DHX15: variants seen among roughly 807,000 people sequenced by gnomAD.
DHX15 encodes ATP-dependent RNA helicase DHX15.
A neutral mutation model predicts 94.4 loss-of-function variants in DHX15; 11 were observed. That is an observed-to-expected ratio of 0.12 (90% CI 0.07 to 0.19). DHX15 has a LOEUF of 0.19. DHX15 is among the 10% of genes least tolerant of loss of function. The probability of loss-of-function intolerance (pLI) is 1.00; values close to 1 mark genes in which losing one functional copy is unlikely to be tolerated. For synonymous variants in DHX15, 338 were observed against 329.9 expected (o/e 1.02, Z -0.27); for missense variants, 304 against 988.5 (o/e 0.31, Z 9.29).
In DHX15 at chr4:24,537,309, G is replaced by A; in HGVS notation, c.1787-136C>T. 8.7e-7 allele frequency: 1 copy of A among 1,144,266 alleles called. No individual in the cohort carries two copies. Among genetic ancestry groups the A allele is most frequent in the Non-Finnish European group, 1.2e-6 (1 of 824,420 alleles). 70.9% of individuals were successfully genotyped at this position (1,144,266 alleles called of 1,614,324 possible). On this transcript the variant is annotated intron_variant, in intron 10 of 13. Coordinates refer to ENST00000336812, the MANE Select transcript of DHX15 (RefSeq NM_001358.3). This position sits in a 1 kb window ranked among gnomAD's most constrained non-coding sequence, Gnocchi z 4.7. ...CAGGATGGCCTCCAACTGCATCTTG[G>A]ATTGTTTACTACCTTGATTTGGTAC...
At chr4:24,573,336 T>C (rs1287895863) in intron 2 of DHX15, among the ~76,000 whole-genome samples, 1 of 152,232 alleles carries the variant, frequency 6.6e-6, no homozygotes, top group Non-Finnish European at 1.5e-5. Flanking sequence ...TGAAGTCTTA[T>C]ATGTTCTAAC....
intron 6 of DHX15, among the ~76,000 whole-genome samples, chr4:24,544,621 C>G (rs1465552187): frequency 1.3e-5 from 2 of 152,158 alleles, no homozygotes; most frequent in Non-Finnish European, 2.9e-5. Flanking sequence ...TCTAGAAAGT[C>G]AGTTTCTTGT....
intron 3 of DHX15, among the ~76,000 whole-genome samples, chr4:24,560,594 T>C (rs1030672315): frequency 1.3e-5 from 2 of 152,086 alleles, no homozygotes; most frequent in Non-Finnish European, 2.9e-5. Flanking sequence ...TGTTATAAGC[T>C]CCTACAAATC....
At chr4:24,550,456 TTTCTC>T (rs1410583965) in intron 5 of DHX15, among the ~76,000 whole-genome samples, 2 of 152,164 alleles carry the variant, frequency 1.3e-5, no homozygotes, top group Admixed American at 6.5e-5. Context: ...GCAAAAGTAT[TTTCTC>T]TTTATATCCT....
intron 5 of DHX15, among the ~76,000 whole-genome samples, chr4:24,554,513 C>A (rs1346992563): frequency 6.6e-6 from 1 of 152,196 alleles, no homozygotes; most frequent in Non-Finnish European, 1.5e-5. Flanking sequence ...GCATTTAACA[C>A]TCTTAAAATA....
intron 11 of DHX15, chr4:24,534,235 T>G (rs552320542): frequency 6.6e-6 from 1 of 152,268 alleles, no homozygotes; most frequent in South Asian, 2.1e-4. Context: ...ACAGCACACC[T>G]TAGAGGTAAT....
chr4:24,537,076 C>T lies in DHX15; in HGVS notation c.1884G>A (p.Leu628=). 1 of 1,613,778 alleles carries T rather than the reference C, an allele frequency of 6.2e-7. No homozygotes were observed. The highest frequency in any genetic ancestry group is 8.5e-7 in the Non-Finnish European group (1 of 1,179,808). ...AHIDGDHLTL[L]NVYHAFKQNH... is the part of the protein sequence containing the mutation. ...TTTGTTTAAAAGCATGGTAGACGTTCAGCAGTGTCAGATGATCTCCATCTA... is the reference window on the plus strand; with the variant it reads ...TTTGTTTAAAAGCATGGTAGACGTTTAGCAGTGTCAGATGATCTCCATCTA... Residue 628 remains leucine (L), a synonymous_variant, in exon 11 of 14, where the codon CTG becomes CTA. Transcript: ENST00000336812. The surrounding 1 kb of genome is among the most constrained non-coding windows in gnomAD (Gnocchi z 4.7).
intron 3 of DHX15, among the ~76,000 whole-genome samples, chr4:24,564,191 A>C (rs754307043): frequency 5.9e-5 from 9 of 152,186 alleles, no homozygotes; most frequent in Non-Finnish European, 1.3e-4. Context: ...TAACACACTT[A>C]ATAAATAATG....
intron 11 of DHX15, chr4:24,533,532 T>A (rs1721133554): frequency 6.3e-6 from 1 of 158,870 alleles, no homozygotes. Context: ...GACACACGTG[T>A]CTCTCAGCAA....
intron 12 of DHX15, 48 bp downstream of exon 12, chr4:24,532,816 C>A: frequency 7.3e-7 from 1 of 1,373,896 alleles, no homozygotes; most frequent in South Asian, 1.5e-5. Context: ...TAATAGAAAT[C>A]AGTGTCATAT....
chr4:24,528,354 T>C (rs1240760789), intron 13 of DHX15, among the ~76,000 whole-genome samples: 1 of 152,198 alleles, frequency 6.6e-6, no homozygotes. Flanking sequence ...ACTATTAATT[T>C]GCCACTCCAA....
Position 24,537,001 on chromosome 4 carries a change from A to G in DHX15, c.1909+50T>C. 6.3e-7 allele frequency: 1 copy of G among 1,580,874 alleles called. No individual in the cohort carries two copies. Among genetic ancestry groups the G allele is most frequent in the East Asian group, 2.3e-5 (1 of 44,220 alleles). On this transcript the variant is annotated intron_variant, in intron 11 of 13. Transcript: ENST00000336812. This position sits in a 1 kb window ranked among gnomAD's most constrained non-coding sequence, Gnocchi z 4.7. ...AGTGGGACAAAGAAACATCTTATACACTGCAAGTGACATTTAGACAAGAGT... is the reference window on the plus strand; with the variant it reads ...AGTGGGACAAAGAAACATCTTATACGCTGCAAGTGACATTTAGACAAGAGT...
At chr4:24,543,953 A>G (rs1721370800) in intron 6 of DHX15, among the ~76,000 whole-genome samples, 1 of 152,172 alleles carries the variant, frequency 6.6e-6, no homozygotes, top group Non-Finnish European at 1.5e-5. Flanking sequence ...AGACATGGAT[A>G]GAAAGTGTGA....
At chr4:24,583,675 C>G (rs1657409421) in intron 1 of DHX15, among the ~76,000 whole-genome samples, 1 of 152,190 alleles carries the variant, frequency 6.6e-6, no homozygotes, top group Admixed American at 6.5e-5. Flanking sequence ...AAACACCAGC[C>G]TTCCAGCCCA....
intron 5 of DHX15, among the ~76,000 whole-genome samples, 159 bp downstream of exon 5, chr4:24,554,566 G>C (rs1416548406): frequency 6.6e-6 from 1 of 152,148 alleles, no homozygotes; most frequent in Non-Finnish European, 1.5e-5. Context: ...TATTCCTACA[G>C]TATGCAGATA....
intron 11 of DHX15, 23 bp from the exon 12 acceptor site, chr4:24,533,077 G>C (rs769858462): frequency 6.3e-7 from 1 of 1,598,816 alleles, no homozygotes; most frequent in East Asian, 2.2e-5. Context: ...AAGGCGGGGA[G>C]AAAAGAAGGC....
intron 5 of DHX15, among the ~76,000 whole-genome samples, chr4:24,552,248 G>C (rs1254300392): frequency 6.6e-6 from 1 of 152,042 alleles, no homozygotes; most frequent in East Asian, 1.9e-4. Context: ...AGACAGTTCA[G>C]GAGTTTTTGA....
At position 24,535,971 on chromosome 4, in the gene DHX15, C is replaced by T. The variant is rs966759195; in HGVS notation, c.1909+1080G>A. Reference sequence around the variant, plus strand: ...CTACAAACTTAGTGACAGAATTCCACATTTTTGGCACAGGGTGATGATGTA... The same window carrying T: ...CTACAAACTTAGTGACAGAATTCCATATTTTTGGCACAGGGTGATGATGTA... On this transcript the variant is annotated intron_variant, in intron 11 of 13. Coordinates refer to ENST00000336812, the MANE Select transcript of DHX15 (RefSeq NM_001358.3). Among the ~76,000 whole-genome samples the T allele has an allele frequency of 2.0e-5, 3 of 152,078 alleles. No homozygotes were observed. In the South Asian group the frequency reaches 6.2e-4, roughly 31 times the overall value.
Position 24,527,799 on chromosome 4 carries a change from G to T in DHX15, c.*125C>A. 1.6e-6 allele frequency: 1 copy of T among 620,880 alleles called. No homozygotes were observed. Among genetic ancestry groups the T allele is most frequent in the Non-Finnish European group, 2.8e-6 (1 of 353,626 alleles). The allele number at this position is 620,880 out of a possible 1,614,324, so 38.5% of individuals were successfully genotyped here. ...ATCAGAATGGAATATTTACTGTAAA[G>T]AAAAATTAAAAAGCTTTCAAATAAA... On this transcript the variant is annotated 3_prime_UTR_variant, in exon 14 of 14. Transcript: ENST00000336812.
Sources: allele counts gnomAD v4.1 joint callset (sites outside exome capture counted in the v4.1 genomes callset), GRCh38; gene constraint gnomAD v4.1.1; non-coding constraint Gnocchi (gnomAD v3.1); transcripts MANE v1.5; gene names NCBI Gene and HGNC (gene_info 2026-07-23, HGNC 2026-07-21).